Variants in COLEC12 observed in about 807,000 individuals in gnomAD.
The protein encoded by COLEC12 is collectin-12.
A neutral mutation model predicts 71.1 loss-of-function variants in COLEC12; 33 were observed. The ratio of observed to expected loss-of-function variants is 0.46; its 90% CI spans 0.35 to 0.62. The LOEUF is 0.62. Among genes scored for constraint, COLEC12 ranks in the 20% least tolerant of loss-of-function variants. COLEC12 has a pLI of 0.00. For missense variants in COLEC12, 765 were observed against 916.1 expected, an observed-to-expected ratio of 0.84 and a Z score of 2.13; for synonymous variants, 350 against 353.0, an observed-to-expected ratio of 0.99 and a Z score of 0.10.
At chr18:442,244 A>G (rs561209884) in intron 2 of COLEC12, among the ~76,000 whole-genome samples, 42 of 152,278 alleles carry the variant, frequency 2.8e-4, no homozygotes, top group Non-Finnish European at 5.6e-4. Flanking sequence ...CATCTCCACA[A>G]TATTTCCTTC....
At chr18:474,528 A>G (rs552065028) in intron 2 of COLEC12, among the ~76,000 whole-genome samples, 1 of 152,326 alleles carries the variant, frequency 6.6e-6, no homozygotes, top group South Asian at 2.1e-4. Context: ...ACCTAGGTGC[A>G]TGGTGTTGCC....
Position 322,616 on chromosome 18 carries a change from A to G in COLEC12, c.2064-809T>C, listed in dbSNP as rs113723757. Among the ~76,000 whole-genome samples, 469 of 152,326 alleles carry G rather than the reference A, an allele frequency of 3.1e-3. 2 individuals carry two copies. The highest frequency in any genetic ancestry group is 0.011 in the African/African-American group (444 of 41,584). On this transcript the variant is annotated intron_variant, in intron 8 of 9. Coordinates refer to ENST00000400256, the MANE Select transcript of COLEC12 (RefSeq NM_130386.3). ...TTCCAGACTCACCCCTTGAAGGTTC[A>G]ATCTTGTCTAAGAAGCAGATTCATG... is the stretch of plus-strand genomic sequence containing the variant.
At chr18:483,102 T>C (rs909492561) in intron 1 of COLEC12, among the ~76,000 whole-genome samples, 5 of 152,142 alleles carry the variant, frequency 3.3e-5, no homozygotes, top group Non-Finnish European at 7.4e-5. Context: ...AATGTATTTA[T>C]AAAATCACAT....
At chr18:493,124 T>C (rs1917648788) in intron 1 of COLEC12, among the ~76,000 whole-genome samples, 1 of 152,146 alleles carries the variant, frequency 6.6e-6, no homozygotes, top group Non-Finnish European at 1.5e-5. Flanking sequence ...GGAGAATCGC[T>C]CGAACCCAAG....
chr18:330,564 C>T (rs375923963), intron 8 of COLEC12, among the ~76,000 whole-genome samples: 5 of 151,966 alleles, frequency 3.3e-5, no homozygotes, highest in Admixed American at 2.6e-4. Flanking sequence ...TTTTCACACC[C>T]GTCAGAGGCA....
chr18:392,601 C>A (rs1249816795), intron 2 of COLEC12, among the ~76,000 whole-genome samples: 1 of 152,182 alleles, frequency 6.6e-6, no homozygotes, highest in Non-Finnish European at 1.5e-5. Flanking sequence ...GCTTTCTGGA[C>A]CCAGGTTTGT....
intron 2 of COLEC12, among the ~76,000 whole-genome samples, chr18:366,510 T>G (rs2143521790): frequency 6.6e-6 from 1 of 152,330 alleles, no homozygotes; most frequent in Middle Eastern, 3.4e-3. Context: ...ACCTGTGTAG[T>G]TGATACTGCA....
At chr18:436,093 T>C (rs1916397558) in intron 2 of COLEC12, among the ~76,000 whole-genome samples, 2 of 152,240 alleles carry the variant, frequency 1.3e-5, no homozygotes, top group East Asian at 3.8e-4. Context: ...CCATCAACTC[T>C]TTGCTTCTTG....
At chr18:385,316 ATTTTTTTTTTTT>A (rs139537913) in intron 2 of COLEC12, among the ~76,000 whole-genome samples, 1 of 119,240 alleles carries the variant, frequency 8.4e-6, no homozygotes, top group Non-Finnish European at 1.7e-5. Context: ...TTAAAATGGG[ATTTTTTTTTTTT>A]TTTTTTTTTT....
In COLEC12 at chr18:480,774, GAC is replaced by G. The variant is rs1178803487; in HGVS notation, c.8-19_8-18del. The G allele has an allele frequency of 1.9e-6, 3 of 1,612,848 alleles. No individual in the cohort carries two copies. Among genetic ancestry groups the G allele is most frequent in the Non-Finnish European group, 2.5e-6 (3 of 1,178,880 alleles). ...CGAAGTCGTCTGTGAGAGAAGAAGA[GAC>G]ACGATGTTAATCCTGGCAAGGGGCA... On this transcript the variant is annotated intron_variant, in intron 1 of 9. Coordinates refer to ENST00000400256, the MANE Select transcript of COLEC12 (RefSeq NM_130386.3). The surrounding 1 kb of genome is among the most constrained non-coding windows in gnomAD (Gnocchi z 4.1).
chr18:356,095 G>T (rs565151), intron 3 of COLEC12, among the ~76,000 whole-genome samples: 101,707 of 152,044 alleles, frequency 0.67, 35,036 homozygotes, highest in African/African-American at 0.8. Context: ...TACTGAGGAT[G>T]TTTGACAGGT....
chr18:462,804 C>T (rs1208553447), intron 2 of COLEC12, among the ~76,000 whole-genome samples: 1 of 152,116 alleles, frequency 6.6e-6, no homozygotes, highest in African/African-American at 2.4e-5. Context: ...AGCATGTGAC[C>T]ACATGGATAT....
chr18:473,172 C>T (rs1917234778), intron 2 of COLEC12, among the ~76,000 whole-genome samples: 1 of 152,106 alleles, frequency 6.6e-6, no homozygotes, highest in Non-Finnish European at 1.5e-5. Context: ...GAAAGACTTG[C>T]TTCCTGGGCA....
Position 347,085 on chromosome 18 carries a change from C to T in COLEC12, c.537G>A (p.Thr179=), listed in dbSNP as rs754114992. 1.2e-5 allele frequency: 20 copies of T among 1,614,020 alleles called. No homozygotes were observed. Among genetic ancestry groups the T allele is most frequent in the Admixed American group, 6.7e-5 (4 of 60,006 alleles). ...KTLQAYNGYV[T]NLQQDTSVLQ... ...GCACGCTGGTATCTTGCTGCAGATT[C>T]GTGACATAGCCATTATACGCCTGGA... is the stretch of plus-strand genomic sequence containing the variant. The change falls in exon 5 of 10, where the codon ACG becomes ACA. Residue 179 remains threonine, a synonymous_variant. Transcript: ENST00000400256.
In COLEC12 at chr18:333,265, C is replaced by G. The variant is rs991997974; in HGVS notation, c.1817-122G>C. Reference sequence around the variant, plus strand: ...TGGGAGCAGCCTGAGCGTCCCTGCACGAGGCCCACAGCTGACGTTCACGGA... The same window carrying G: ...TGGGAGCAGCCTGAGCGTCCCTGCAGGAGGCCCACAGCTGACGTTCACGGA... On this transcript the variant is annotated intron_variant, in intron 6 of 9. Transcript: ENST00000400256. 26 of 771,992 alleles carry G rather than the reference C, an allele frequency of 3.4e-5. No individual in the cohort carries two copies. The East Asian group carries it at 5.7e-4, about 17-fold the overall frequency. The allele number at this position is 771,992 out of a possible 1,614,324, so 47.8% of individuals were successfully genotyped here. A position where few individuals can be genotyped will look rare whatever the true frequency, so the allele number is the denominator to read the frequency against.
intron 5 of COLEC12, among the ~76,000 whole-genome samples, chr18:341,512 C>T (rs1450878942): frequency 2.0e-5 from 3 of 152,222 alleles, no homozygotes; most frequent in African/African-American, 2.4e-5. Context: ...AGGCTGGGCA[C>T]TAGAAATCCA....
In COLEC12 at chr18:317,339, TAAG is replaced by T. The variant is rs1598322064; in HGVS notation, c.*2703_*2705del. ...CATTTGATTTTATTCAGTGTGCTAT[TAAG>T]AAGGGCCCTTCCTTCTAAAGAAAAT... On this transcript the variant is annotated 3_prime_UTR_variant, in exon 10 of 10. Transcript: ENST00000400256. The T allele has an allele frequency of 1.3e-5, 2 of 152,218 alleles. No homozygotes were observed. The highest frequency in any genetic ancestry group is 4.8e-5 in the African/African-American group (2 of 41,462). The allele number at this position is 152,218 out of a possible 1,614,324, so 9.4% of individuals were successfully genotyped here. A position where few individuals can be genotyped will look rare whatever the true frequency, so the allele number is the denominator to read the frequency against.
At chr18:357,321 T>C in intron 3 of COLEC12, 79 bp downstream of exon 3, 1 of 1,366,280 alleles carries the variant, frequency 7.3e-7, no homozygotes, top group Non-Finnish European at 1.0e-6. Flanking sequence ...ACTTCGTATT[T>C]GCAAATATGA....
At chr18:377,560 C>T (rs1915140815) in intron 2 of COLEC12, among the ~76,000 whole-genome samples, 1 of 152,150 alleles carries the variant, frequency 6.6e-6, no homozygotes, top group South Asian at 2.1e-4. Context: ...AGTATGAGAC[C>T]CACAGACAAC....
Sources: gnomAD v4.1 joint callset for allele counts (sites outside exome capture counted in the v4.1 genomes callset) on GRCh38, gnomAD v4.1.1 for gene constraint, Gnocchi (gnomAD v3.1) non-coding constraint, MANE v1.5 for transcripts, NCBI Gene and HGNC (gene_info 2026-07-23, HGNC 2026-07-21) for gene names.